Variants in SGCZ observed in about 807,000 individuals in gnomAD.
SGCZ encodes zeta-sarcoglycan.
Under a neutral mutation model 41.3 loss-of-function variants are expected in SGCZ, and 40 were observed. The observed-to-expected ratio is 0.97, with a 90% CI of 0.75 to 1.26. SGCZ has a LOEUF of 1.26. Among genes scored for constraint, SGCZ ranks in the 50% most tolerant of loss-of-function variants. The pLI, the probability that SGCZ is intolerant of heterozygous loss-of-function variation, is 0.00. For missense variants in SGCZ, 552 were observed against 369.8 expected, an observed-to-expected ratio of 1.49 and a Z score of -4.04; for synonymous variants, 206 against 137.5, an observed-to-expected ratio of 1.50 and a Z score of -3.49.
At chr8:14,203,983 G>C (rs145109979) in intron 4 of SGCZ, among the ~76,000 whole-genome samples, 1 of 151,984 alleles carries the variant, frequency 6.6e-6, no homozygotes, top group East Asian at 1.9e-4. Context: ...TTGGGGGAAA[G>C]AGCGCTCCAA....
chr8:14,221,101 T>A (rs1334422644), intron 4 of SGCZ, among the ~76,000 whole-genome samples: 2 of 152,044 alleles, frequency 1.3e-5, no homozygotes, highest in African/African-American at 4.8e-5. Context: ...AAAATGCCAA[T>A]AAACGGAAAT....
chr8:14,680,762 G>A (rs1318247694), intron 1 of SGCZ, among the ~76,000 whole-genome samples: 1 of 150,326 alleles, frequency 6.7e-6, no homozygotes, highest in Non-Finnish European at 1.5e-5. Flanking sequence ...GCAGAAAAAG[G>A]CATGAGCCTG....
At chr8:15,156,074 A>AG (rs1799321795) in intron 1 of SGCZ, among the ~76,000 whole-genome samples, 1 of 151,362 alleles carries the variant, frequency 6.6e-6, no homozygotes, top group South Asian at 2.1e-4. Context: ...AAAAAAAAAA[A>AG]ATAGAAGAGT....
chr8:14,847,103 A>AAAGAAGAAAGAAG (rs1803143083), intron 1 of SGCZ, among the ~76,000 whole-genome samples: 1 of 124,956 alleles, frequency 8.0e-6, no homozygotes, highest in African/African-American at 3.0e-5. Flanking sequence ...AAGAAAGAAG[A>AAAGAAGAAAGAAG]AAGAAGAAAG....
intron 1 of SGCZ, among the ~76,000 whole-genome samples, chr8:14,578,410 T>C (rs1342222646): frequency 6.6e-6 from 1 of 152,188 alleles, no homozygotes; most frequent in East Asian, 1.9e-4. Context: ...TTGCAAGTTG[T>C]CCTACATGCT....
chr8:14,512,874 T>A (rs1802507072), intron 2 of SGCZ, among the ~76,000 whole-genome samples: 1 of 152,114 alleles, frequency 6.6e-6, no homozygotes, highest in Admixed American at 6.6e-5. Context: ...AGTCTTCTAG[T>A]GTGCTTGTTA....
At chr8:14,713,703 A>G (rs1394007986) in intron 1 of SGCZ, among the ~76,000 whole-genome samples, 2 of 149,972 alleles carry the variant, frequency 1.3e-5, no homozygotes, top group Non-Finnish European at 2.9e-5. Flanking sequence ...AAGAAAAAAA[A>G]AAAAGCTAAA....
At chr8:14,242,809 A>G (rs938834656) in intron 3 of SGCZ, among the ~76,000 whole-genome samples, 3 of 152,186 alleles carry the variant, frequency 2.0e-5, no homozygotes, top group African/African-American at 7.2e-5. Context: ...GTCTACCACG[A>G]GGAAGTACTG....
chr8:14,815,342 T>G (rs569806988), intron 1 of SGCZ, among the ~76,000 whole-genome samples: 1 of 151,722 alleles, frequency 6.6e-6, no homozygotes, highest in Non-Finnish European at 1.5e-5. Flanking sequence ...TAAAATAAAA[T>G]TAATTATTAC....
chr8:14,452,400 T>G (rs1325218319), intron 2 of SGCZ, among the ~76,000 whole-genome samples: 1 of 152,054 alleles, frequency 6.6e-6, no homozygotes, highest in East Asian at 1.9e-4. Flanking sequence ...ATGATATACT[T>G]GTCCTAACTC....
chr8:14,219,646 C>T (rs1201383373), intron 4 of SGCZ, among the ~76,000 whole-genome samples: 1 of 152,050 alleles, frequency 6.6e-6, no homozygotes, highest in Non-Finnish European at 1.5e-5. Flanking sequence ...TTTCGGGAAG[C>T]TGAGGCAGGA....
chr8:15,048,177 G>A (rs1026120121), intron 1 of SGCZ, among the ~76,000 whole-genome samples: 1 of 152,024 alleles, frequency 6.6e-6, no homozygotes, highest in Non-Finnish European at 1.5e-5. Flanking sequence ...GTCATTTGCA[G>A]CAACATTGAT....
intron 2 of SGCZ, among the ~76,000 whole-genome samples, chr8:14,428,147 TATAC>T (rs763898413): frequency 2.0e-3 from 293 of 149,070 alleles, no homozygotes; most frequent in Middle Eastern, 0.01. Flanking sequence ...TATATATATA[TATAC>T]ACACACACAC....
intron 1 of SGCZ, among the ~76,000 whole-genome samples, chr8:14,563,017 C>A (rs947838055): frequency 6.6e-6 from 1 of 152,074 alleles, no homozygotes; most frequent in Non-Finnish European, 1.5e-5. Flanking sequence ...TATTCCTTGA[C>A]CTTATACACT....
At position 14,434,509 on chromosome 8, in the gene SGCZ, T is replaced by C. The variant is rs935836295; in HGVS notation, c.235-110305A>G. Among the ~76,000 whole-genome samples the C allele has an allele frequency of 6.6e-5, 10 of 152,240 alleles. 1 individual carries two copies. In the Middle Eastern group the frequency reaches 0.014, roughly 207 times the overall value. Reference sequence around the variant, plus strand: ...CTTTTCCTAATTGTGTGAAGAATGGTAGTGGTATTTTGATGGCAATTGCAT... The same window carrying C: ...CTTTTCCTAATTGTGTGAAGAATGGCAGTGGTATTTTGATGGCAATTGCAT... On this transcript the variant is annotated intron_variant, in intron 2 of 7. Transcript: ENST00000382080.
At chr8:14,884,479 G>A (rs971044843) in intron 1 of SGCZ, among the ~76,000 whole-genome samples, 1 of 151,712 alleles carries the variant, frequency 6.6e-6, no homozygotes, top group East Asian at 1.9e-4. Flanking sequence ...CTTCTTGGTG[G>A]GTAGATGGTA....
chr8:15,207,044 G>A (rs983899557), intron 1 of SGCZ, among the ~76,000 whole-genome samples: 1 of 152,198 alleles, frequency 6.6e-6, no homozygotes, highest in Admixed American at 6.5e-5. Flanking sequence ...ACAAGACGAA[G>A]GGATGTGGGG....
intron 1 of SGCZ, among the ~76,000 whole-genome samples, chr8:14,924,007 A>G (rs1455448296): frequency 2.0e-5 from 3 of 152,228 alleles, no homozygotes; most frequent in Non-Finnish European, 4.4e-5. Flanking sequence ...AATTACTCCC[A>G]GGACAGAGAC....
chr8:14,508,490 G>T (rs767151056), intron 2 of SGCZ, among the ~76,000 whole-genome samples: 23 of 152,078 alleles, frequency 1.5e-4, no homozygotes, highest in Admixed American at 7.9e-4. Context: ...CGGAGGCTTT[G>T]CATGTTAATC....
Sources: allele counts gnomAD v4.1 joint callset (sites outside exome capture counted in the v4.1 genomes callset), GRCh38; gene constraint gnomAD v4.1.1; transcripts MANE v1.5; gene names NCBI Gene and HGNC (gene_info 2026-07-23, HGNC 2026-07-21).